LRRC1: variants seen among roughly 807,000 people sequenced by gnomAD.
The protein encoded by LRRC1 is leucine-rich repeat-containing protein 1.
Under a neutral mutation model 69.9 loss-of-function variants are expected in LRRC1, and 28 were observed. The ratio of observed to expected loss-of-function variants is 0.40; its 90% CI spans 0.30 to 0.55. LRRC1 has a LOEUF of 0.55. LRRC1 is among the 20% of genes least tolerant of loss of function. The pLI, the probability that LRRC1 is intolerant of heterozygous loss-of-function variation, is 0.47. For synonymous variants in LRRC1, 236 were observed against 240.2 expected (o/e 0.98, Z 0.16); for missense variants, 498 against 609.0 (o/e 0.82, Z 1.92).
At chr6:53,917,768 G>A (rs1489680932) in intron 11 of LRRC1, among the ~76,000 whole-genome samples, 1 of 152,136 alleles carries the variant, frequency 6.6e-6, no homozygotes, top group Non-Finnish European at 1.5e-5. Context: ...AAAGATGTAG[G>A]AGAAAAATTT....
intron 10 of LRRC1, among the ~76,000 whole-genome samples, chr6:53,910,313 C>G (rs1327118856): frequency 3.9e-5 from 6 of 152,152 alleles, no homozygotes; most frequent in Non-Finnish European, 8.8e-5. Flanking sequence ...AACAGTGACT[C>G]TGCTTCCCAG....
intron 1 of LRRC1, among the ~76,000 whole-genome samples, chr6:53,839,260 G>T (rs376078065): frequency 6.6e-6 from 1 of 151,654 alleles, no homozygotes; most frequent in East Asian, 1.9e-4. Flanking sequence ...TTTCTTTTAC[G>T]TATTGCTCAA....
At chr6:53,818,956 G>T (rs767204578) in intron 1 of LRRC1, among the ~76,000 whole-genome samples, 1 of 152,164 alleles carries the variant, frequency 6.6e-6, no homozygotes, top group African/African-American at 2.4e-5. Flanking sequence ...AAGTTGTCAG[G>T]GAGGCACTGA....
chr6:53,912,089 A>G (rs974493249), intron 10 of LRRC1, among the ~76,000 whole-genome samples: 1 of 152,218 alleles, frequency 6.6e-6, no homozygotes, highest in Non-Finnish European at 1.5e-5. Flanking sequence ...GTGTATAAAC[A>G]TATGTAAATG....
At chr6:53,870,940 T>C (rs1056885410) in intron 2 of LRRC1, among the ~76,000 whole-genome samples, 2 of 152,250 alleles carry the variant, frequency 1.3e-5, no homozygotes, top group African/African-American at 4.8e-5. Flanking sequence ...TCCTCCAGGC[T>C]CATCTATGTT....
chr6:53,913,823 G>GAAAAA (rs756643423), intron 10 of LRRC1, 31 bp from the exon 11 acceptor site: 3 of 1,505,144 alleles, frequency 2.0e-6, no homozygotes, highest in Non-Finnish European at 2.8e-6. Context: ...TAGAAAACTG[G>GAAAAA]AAAAAAGATG....
intron 2 of LRRC1, among the ~76,000 whole-genome samples, chr6:53,861,211 A>G (rs1766502821): frequency 6.6e-6 from 1 of 151,914 alleles, no homozygotes; most frequent in Admixed American, 6.6e-5. Context: ...CCAGGTCCTC[A>G]TTGGCAGTGG....
At chr6:53,840,746 C>A (rs1765754382) in intron 1 of LRRC1, among the ~76,000 whole-genome samples, 1 of 151,806 alleles carries the variant, frequency 6.6e-6, no homozygotes, top group Non-Finnish European at 1.5e-5. Context: ...ATTTCTAATT[C>A]TTCTAATTAT....
chr6:53,905,109 C>T (rs1174845960), intron 10 of LRRC1: 2 of 152,132 alleles, frequency 1.3e-5, no homozygotes, highest in Non-Finnish European at 2.9e-5. Context: ...GGTGGAAATG[C>T]TGACAATGAG....
rs756623078 is a variant in LRRC1, at chr6:53,879,060, C to A, written c.345C>A (p.Asn115Lys). 6.2e-7 allele frequency: 1 copy of A among 1,611,576 alleles called. No individual in the cohort carries two copies. The highest frequency in any genetic ancestry group is 8.5e-7 in the Non-Finnish European group (1 of 1,178,052). Reference sequence around the variant, plus strand: ...TGCAGGTAGCTGACTTCAGCGGAAACCCACTGACTAGGTAAGCTTTCTGCT... The same window carrying A: ...TGCAGGTAGCTGACTTCAGCGGAAAACCACTGACTAGGTAAGCTTTCTGCT... ...KALQVADFSG[N>K]PLTRLPESFP... Residue 115 changes from asparagine (N) to lysine (K), a missense_variant, in exon 3 of 14, where the codon AAC becomes AAA. By Grantham distance (94) the Asn-to-Lys change is moderately conservative. Transcript: ENST00000370888.
chr6:53,841,852 T>G (rs1331621907), intron 1 of LRRC1, among the ~76,000 whole-genome samples: 1 of 152,226 alleles, frequency 6.6e-6, no homozygotes, highest in East Asian at 1.9e-4. Flanking sequence ...AAGTTGCTCA[T>G]TAATTTTTAA....
At chr6:53,864,722 T>A (rs921333874) in intron 2 of LRRC1, among the ~76,000 whole-genome samples, 4 of 152,062 alleles carry the variant, frequency 2.6e-5, no homozygotes, top group Admixed American at 6.5e-5. Context: ...GCTCTTCTTG[T>A]GTGGAGTTAT....
intron 12 of LRRC1, 135 bp from the exon 13 acceptor site, chr6:53,920,490 C>T (rs943678539): frequency 4.1e-5 from 34 of 837,966 alleles, no homozygotes; most frequent in Non-Finnish European, 5.7e-5. Context: ...AAACTTGCAA[C>T]AGAACACCCC....
intron 2 of LRRC1, among the ~76,000 whole-genome samples, chr6:53,870,042 G>A (rs755338735): frequency 9.8e-5 from 15 of 152,358 alleles, no homozygotes; most frequent in African/African-American, 2.9e-4. Context: ...GGAGACTTGC[G>A]TTCTGTTTAC....
intron 2 of LRRC1, among the ~76,000 whole-genome samples, chr6:53,876,920 C>A (rs1043752353): frequency 6.6e-6 from 1 of 152,182 alleles, no homozygotes; most frequent in African/African-American, 2.4e-5. Flanking sequence ...GCCCTCTTCT[C>A]GCAGTTCCAC....
chr6:53,866,437 C>T (rs952377427), intron 2 of LRRC1, among the ~76,000 whole-genome samples: 2 of 152,064 alleles, frequency 1.3e-5, no homozygotes, highest in African/African-American at 4.8e-5. Flanking sequence ...CTGCCAAGGC[C>T]CCACACTGTG....
In LRRC1 at chr6:53,795,066, G is replaced by T; in HGVS notation, c.-191G>T. 1.9e-6 allele frequency: 1 copy of T among 520,740 alleles called. No homozygotes were observed. The highest frequency in any genetic ancestry group is 3.3e-6 in the Non-Finnish European group (1 of 300,088). The allele number at this position is 520,740 out of a possible 1,614,324, so 32.3% of individuals were successfully genotyped here. A position where few individuals can be genotyped will look rare whatever the true frequency, so the allele number is the denominator to read the frequency against. ...GCTGGCGGGCGGGGGTACAGGGACG[G>T]GGCAGGGGCTCCCGCTCCAGGTTCC... On this transcript the variant is annotated 5_prime_UTR_variant, in exon 1 of 14. Transcript: ENST00000370888.
intron 1 of LRRC1, among the ~76,000 whole-genome samples, chr6:53,821,220 C>T (rs1346303835): frequency 6.6e-6 from 1 of 152,178 alleles, no homozygotes; most frequent in African/African-American, 2.4e-5. Context: ...CATGTGTCCA[C>T]CTTGGATCTT....
At chr6:53,883,098 A>G (rs1767354658) in intron 4 of LRRC1, 122 bp downstream of exon 4, 1 of 623,794 alleles carries the variant, frequency 1.6e-6, no homozygotes, top group Non-Finnish European at 2.8e-6. Flanking sequence ...CTCATTCTTT[A>G]ATGTGACCTT....
Sources: allele counts gnomAD v4.1 joint callset (sites outside exome capture counted in the v4.1 genomes callset), GRCh38; gene constraint gnomAD v4.1.1; transcripts MANE v1.5; gene names NCBI Gene and HGNC (gene_info 2026-07-23, HGNC 2026-07-21).